The following AP3B1 variants were observed in gnomAD, a reference collection of about 807,000 sequenced individuals.
AP3B1 encodes the protein adaptor related protein complex 3 subunit beta 1.
Under a neutral mutation model 132.5 loss-of-function variants are expected in AP3B1, and 61 were observed. The observed-to-expected ratio is 0.46, with a 90% CI of 0.37 to 0.57. The LOEUF is 0.57. AP3B1 is among the 20% of genes least tolerant of loss of function. AP3B1 has a pLI of 0.00. For synonymous variants in AP3B1, 388 were observed against 438.3 expected, an observed-to-expected ratio of 0.89 and a Z score of 1.43; for missense variants, 1,120 against 1,289.4, an observed-to-expected ratio of 0.87 and a Z score of 2.01.
chr5:78,008,943 G>A (rs1036958157), intron 26 of AP3B1, among the ~76,000 whole-genome samples: 2 of 152,198 alleles, frequency 1.3e-5, no homozygotes, highest in African/African-American at 4.8e-5. Flanking sequence ...GGAAATATTA[G>A]AGACCCCATC....
intron 19 of AP3B1, among the ~76,000 whole-genome samples, chr5:78,110,766 G>GTA (rs1309339377): frequency 6.8e-6 from 1 of 146,576 alleles, no homozygotes. Context: ...ATATATTCAT[G>GTA]TATATATACG....
In AP3B1 at chr5:78,116,151, G is replaced by C. The variant is rs1313380902; in HGVS notation, c.2052C>G (p.Asp684Glu). The C allele has an allele frequency of 1.2e-6, 2 of 1,613,252 alleles. No homozygotes were observed. Among genetic ancestry groups the C allele is most frequent in the Admixed American group, 1.7e-5 (1 of 60,022 alleles). The change falls in exon 18 of 27, where the codon GAC becomes GAG. Residue 684 changes from aspartate (D) to glutamate (E), a missense_variant. By Grantham distance (45) the Asp-to-Glu change is conservative. This residue lies in a region of AP3B1 where 906 missense variants were observed against 997.1 expected (regional missense o/e 0.91). Transcript: ENST00000255194. ...CACTGTCACTGCTACTATCAGAAGA[G>C]TCCTCCTCTTCCTCAGATTCAGAAT... The part of the protein sequence containing the change: ...KFYSESEEEE[D>E]SSDSSSDSES...
chr5:78,024,603 C>G (rs12518971), intron 24 of AP3B1, among the ~76,000 whole-genome samples: 1 of 141,656 alleles, frequency 7.1e-6, no homozygotes, highest in Non-Finnish European at 1.5e-5. Flanking sequence ...CTCACTCTGT[C>G]GCCCAGGCTG....
chr5:78,075,561 T>A (rs973793009), intron 22 of AP3B1, among the ~76,000 whole-genome samples: 2 of 152,214 alleles, frequency 1.3e-5, no homozygotes, highest in Non-Finnish European at 2.9e-5. Context: ...CAAAAATCCG[T>A]AAGACTACTT....
chr5:78,048,292 T>G (rs1748426564), intron 22 of AP3B1, among the ~76,000 whole-genome samples: 1 of 152,184 alleles, frequency 6.6e-6, no homozygotes, highest in Non-Finnish European at 1.5e-5. Flanking sequence ...ATTGCTTTTA[T>G]TTGGTTCAAG....
chr5:78,173,356 G>A (rs941222895), intron 11 of AP3B1, among the ~76,000 whole-genome samples: 5 of 152,152 alleles, frequency 3.3e-5, no homozygotes, highest in Non-Finnish European at 7.3e-5. Context: ...TGACAGTGGG[G>A]TGTTAAAGTC....
At chr5:78,109,973 C>G (rs1435709366) in intron 20 of AP3B1, among the ~76,000 whole-genome samples, 1 of 152,056 alleles carries the variant, frequency 6.6e-6, no homozygotes, top group African/African-American at 2.4e-5. Flanking sequence ...GCAAAACCCC[C>G]CCCTTGTCAC....
chr5:78,015,258 C>T (rs1746807940), intron 26 of AP3B1, 152 bp downstream of exon 26: 2 of 790,860 alleles, frequency 2.5e-6, no homozygotes, highest in Non-Finnish European at 3.9e-6. Flanking sequence ...GCAAAGCAAT[C>T]AACAACTATA....
chr5:78,278,625 A>AAAAAAAG (rs1561217252), intron 1 of AP3B1, among the ~76,000 whole-genome samples: 2 of 52,262 alleles, frequency 3.8e-5, no homozygotes, highest in African/African-American at 1.2e-4. Context: ...AAAAAAAAAA[A>AAAAAAAG]GGGGGGGGGG....
rs760543433 is a variant in AP3B1, at chr5:78,116,168, A to G, written c.2035T>C (p.Ser679Pro). The change falls in exon 18 of 27, where the codon TCT (serine) becomes CCT (proline). Residue 679 changes from serine to proline, a missense_variant. Physicochemically the swap from Ser to Pro is moderately conservative, Grantham distance 74. Coordinates refer to ENST00000255194, the MANE Select transcript of AP3B1 (RefSeq NM_003664.5). ...TCAGAAGAGTCCTCCTCTTCCTCAGATTCAGAATAAAACTTCTTAGCAGAA... is the reference window on the plus strand; with the variant it reads ...TCAGAAGAGTCCTCCTCTTCCTCAGGTTCAGAATAAAACTTCTTAGCAGAA... The part of the protein sequence containing the change: ...ENSAKKFYSE[S>P]EEEEDSSDSS... 9.3e-6 allele frequency: 15 copies of G among 1,613,928 alleles called. No individual in the cohort carries two copies. The highest frequency in any genetic ancestry group is 1.3e-5 in the Non-Finnish European group (15 of 1,179,874).
chr5:78,240,518 C>A (rs970674196), intron 3 of AP3B1, among the ~76,000 whole-genome samples: 10 of 152,090 alleles, frequency 6.6e-5, no homozygotes, highest in Admixed American at 5.9e-4. Flanking sequence ...TCTGGATATA[C>A]CCAAATAGGT....
At chr5:78,152,349 T>C (rs879507022) in intron 14 of AP3B1, among the ~76,000 whole-genome samples, 30 of 151,984 alleles carry the variant, frequency 2.0e-4, no homozygotes, top group Non-Finnish European at 4.0e-4. Context: ...ATGGTTTCAA[T>C]CTTGTTACTT....
chr5:78,171,970 G>A (rs1325042014), intron 11 of AP3B1, among the ~76,000 whole-genome samples: 1 of 152,180 alleles, frequency 6.6e-6, no homozygotes, highest in East Asian at 1.9e-4. Context: ...TTTTGCCAAA[G>A]GCCTTTTCTG....
At chr5:78,281,177 G>A (rs920330512) in intron 1 of AP3B1, among the ~76,000 whole-genome samples, 2 of 152,200 alleles carry the variant, frequency 1.3e-5, no homozygotes, top group African/African-American at 4.8e-5. Context: ...GCTCGCGCCT[G>A]TAATTCCAGC....
At chr5:78,065,164 C>T (rs1171973669) in intron 22 of AP3B1, among the ~76,000 whole-genome samples, 3 of 152,172 alleles carry the variant, frequency 2.0e-5, no homozygotes, top group Non-Finnish European at 2.9e-5. Flanking sequence ...CAGGAAACCA[C>T]GCCTTTTCCA....
At chr5:78,153,813 CAT>C (rs1313933228) in intron 14 of AP3B1, among the ~76,000 whole-genome samples, 1 of 152,138 alleles carries the variant, frequency 6.6e-6, no homozygotes, top group Non-Finnish European at 1.5e-5. Flanking sequence ...ACACTGATTG[CAT>C]ACACAATCAA....
intron 7 of AP3B1, among the ~76,000 whole-genome samples, chr5:78,203,220 C>T (rs1443991036): frequency 2.0e-5 from 3 of 152,140 alleles, no homozygotes; most frequent in Non-Finnish European, 4.4e-5. Flanking sequence ...TCTCACACTA[C>T]TATTAAGAAA....
Position 78,134,136 on chromosome 5 carries a change from G to A in AP3B1, c.1651-4829C>T, listed in dbSNP as rs369807469. Among the ~76,000 whole-genome samples the A allele has an allele frequency of 9.2e-5, 11 of 119,356 alleles. No homozygotes were observed. In the East Asian group the frequency reaches 2.5e-3, roughly 27 times the overall value. The allele number at this position is 119,356 out of a possible 152,430, so 78.3% of individuals were successfully genotyped here. On this transcript the variant is annotated intron_variant, in intron 15 of 26. Transcript: ENST00000255194. The stretch of plus-strand genomic sequence containing the variant: ...ACTGCACTGCAGCCCGGGCGACACA[G>A]CAAGACTCGCCTCAAAAAAAAAAAA...
intron 14 of AP3B1, 46 bp from the exon 15 acceptor site, chr5:78,141,365 C>T (rs771276691): frequency 6.8e-7 from 1 of 1,474,512 alleles, no homozygotes; most frequent in Non-Finnish European, 9.5e-7. Context: ...GTTAATCATA[C>T]TCTAATATTA....
Sources: allele counts gnomAD v4.1 joint callset (sites outside exome capture counted in the v4.1 genomes callset), GRCh38; gene constraint gnomAD v4.1.1; regional missense constraint gnomAD v4.1.1; transcripts MANE v1.5; gene names NCBI Gene and HGNC (gene_info 2026-07-23, HGNC 2026-07-21).